The following ERC2 variants were observed in gnomAD, a reference collection of about 807,000 sequenced individuals.
ERC2 encodes the protein ERC protein 2.
In ERC2, 42 loss-of-function variants were observed where a neutral mutation model predicts 114.8. The ratio of observed to expected loss-of-function variants is 0.37; its 90% CI spans 0.29 to 0.47. The LOEUF is 0.47. Ranked by LOEUF, ERC2 falls within the 20% of genes least tolerant of loss-of-function variation. The pLI is 0.99. For missense variants in ERC2, 939 were observed against 1,150.7 expected, an observed-to-expected ratio of 0.82 and a Z score of 2.66; for synonymous variants, 454 against 425.5, an observed-to-expected ratio of 1.07 and a Z score of -0.82.
rs148784141 is a variant in ERC2 at position 56,126,857 on chromosome 3, AAAGGC to A, written c.1473+12647_1473+12651del. 5.1e-3 allele frequency among the ~76,000 whole-genome samples: 774 copies of A among 151,388 alleles called. 19 individuals are homozygous for A. The highest frequency in any genetic ancestry group is 0.017 in the African/African-American group (677 of 40,962). On this transcript the variant is annotated intron_variant, in intron 6 of 17. Coordinates refer to ENST00000288221, the MANE Select transcript of ERC2 (RefSeq NM_015576.3). Reference sequence around the variant, plus strand: ...AAAGGAAAGGAAAGGAAAGGAAAAGAAAGGCAAGGCAAGGCAAGGCAAGGCAAGAA... The same window carrying A: ...AAAGGAAAGGAAAGGAAAGGAAAAGAAAGGCAAGGCAAGGCAAGGCAAGAA...
intron 6 of ERC2, among the ~76,000 whole-genome samples, chr3:56,119,514 C>CAGCCTAGAACCA (rs2079453445): frequency 6.6e-6 from 1 of 152,198 alleles, no homozygotes; most frequent in Non-Finnish European, 1.5e-5. Flanking sequence ...AGCATCTTTT[C>CAGCCTAGAACCA]CCAGTAAGCC....
intron 17 of ERC2, among the ~76,000 whole-genome samples, chr3:55,539,679 G>A (rs1209907050): frequency 1.3e-5 from 2 of 150,942 alleles, no homozygotes; most frequent in Non-Finnish European, 3.0e-5. Flanking sequence ...TGCCTGCCTC[G>A]GCCTCCCAAA....
chr3:56,260,045 T>C (rs1227004667), intron 3 of ERC2, among the ~76,000 whole-genome samples: 1 of 152,242 alleles, frequency 6.6e-6, no homozygotes, highest in African/African-American at 2.4e-5. Flanking sequence ...CATTTTCTAA[T>C]GTTGCTAACT....
intron 17 of ERC2, among the ~76,000 whole-genome samples, chr3:55,521,129 T>C (rs2052901859): frequency 6.6e-6 from 1 of 152,214 alleles, no homozygotes; most frequent in South Asian, 2.1e-4. Flanking sequence ...GGAATGCCAT[T>C]TACTCTTGGG....
chr3:56,220,162 G>A (rs1235852042), intron 3 of ERC2, among the ~76,000 whole-genome samples: 1 of 152,094 alleles, frequency 6.6e-6, no homozygotes, highest in East Asian at 1.9e-4. Context: ...TGATTATAGG[G>A]CTTTATGCAG....
intron 3 of ERC2, among the ~76,000 whole-genome samples, chr3:56,215,608 T>C (rs551340242): frequency 3.9e-5 from 6 of 151,950 alleles, no homozygotes; most frequent in African/African-American, 1.2e-4. Flanking sequence ...AACAAGGATA[T>C]CCAGGAATTG....
chr3:55,543,814 T>A (rs1210663859), intron 17 of ERC2, among the ~76,000 whole-genome samples: 2 of 152,170 alleles, frequency 1.3e-5, no homozygotes, highest in Admixed American at 1.3e-4. Flanking sequence ...TCCTCGGAAC[T>A]ACAGCTTGCA....
At chr3:55,572,224 C>CA (rs2056753353) in intron 17 of ERC2, among the ~76,000 whole-genome samples, 1 of 152,168 alleles carries the variant, frequency 6.6e-6, no homozygotes, top group Admixed American at 6.5e-5. Flanking sequence ...AGGAGCAGCC[C>CA]AGAAAGTGGC....
chr3:55,912,665 A>G (rs1354777723), intron 13 of ERC2, among the ~76,000 whole-genome samples: 2 of 152,230 alleles, frequency 1.3e-5, no homozygotes, highest in African/African-American at 4.8e-5. Flanking sequence ...AAAGAAATAT[A>G]TCAGGGAATT....
chr3:56,058,016 C>G (rs894359515), intron 7 of ERC2, among the ~76,000 whole-genome samples: 2 of 152,064 alleles, frequency 1.3e-5, no homozygotes, highest in African/African-American at 4.8e-5. Flanking sequence ...GTCAGGTATC[C>G]TTACAGTGAT....
chr3:55,676,903 G>T (rs2061839970), intron 17 of ERC2, among the ~76,000 whole-genome samples: 1 of 152,126 alleles, frequency 6.6e-6, no homozygotes, highest in Admixed American at 6.5e-5. Flanking sequence ...GTTTGTTTAT[G>T]ATTTCTCAGC....
intron 13 of ERC2, among the ~76,000 whole-genome samples, chr3:55,899,119 C>A (rs2149340952): frequency 6.6e-6 from 1 of 152,332 alleles, no homozygotes; most frequent in African/African-American, 2.4e-5. Flanking sequence ...AATATGAGAA[C>A]ATACCATTTT....
chr3:56,077,549 G>C (rs914391308), intron 7 of ERC2, among the ~76,000 whole-genome samples: 15 of 152,288 alleles, frequency 9.8e-5, no homozygotes, highest in Middle Eastern at 6.8e-3. Flanking sequence ...GGCAAAAGTG[G>C]TCATTTGTCA....
intron 17 of ERC2, among the ~76,000 whole-genome samples, chr3:55,535,040 C>T (rs1319245506): frequency 6.6e-6 from 1 of 152,212 alleles, no homozygotes; most frequent in African/African-American, 2.4e-5. Context: ...GTCACTGTGG[C>T]CATTTCCACC....
intron 2 of ERC2, among the ~76,000 whole-genome samples, chr3:56,347,109 T>G (rs539350832): frequency 1.3e-5 from 2 of 152,244 alleles, no homozygotes; most frequent in South Asian, 2.1e-4. Context: ...AAACTGGGAA[T>G]TGGTGTTAGA....
intron 7 of ERC2, among the ~76,000 whole-genome samples, chr3:56,032,984 AAAG>A (rs2074524134): frequency 3.9e-5 from 3 of 77,414 alleles, no homozygotes; most frequent in African/African-American, 1.2e-4. Context: ...AAAGAGAAAG[AAAG>A]AAAGAAAGAA....
intron 4 of ERC2, among the ~76,000 whole-genome samples, chr3:56,161,428 C>T (rs533528608): frequency 6.6e-6 from 1 of 152,254 alleles, no homozygotes; most frequent in Admixed American, 6.5e-5. Context: ...TTTTCTAGTT[C>T]TGAGAAAACT....
chr3:55,789,290 C>T lies in ERC2; in HGVS notation c.2565-54372G>A, dbSNP rs529148529. ...TACTGCTTCCTAGGGCCATGGATGC[C>T]GTGTTTTTTCCAAGTCCATAGGGAA... On this transcript the variant is annotated intron_variant, in intron 14 of 17. Coordinates refer to ENST00000288221, the MANE Select transcript of ERC2 (RefSeq NM_015576.3). Among the ~76,000 whole-genome samples the T allele has an allele frequency of 1.2e-4, 18 of 152,302 alleles. No homozygotes were observed. The South Asian group carries it at 3.3e-3, about 28-fold the overall frequency.
At chr3:56,295,235 G>A (rs1453393636) in intron 3 of ERC2, among the ~76,000 whole-genome samples, 1 of 152,106 alleles carries the variant, frequency 6.6e-6, no homozygotes, top group African/African-American at 2.4e-5. Context: ...TGAGATCCAC[G>A]TCTCCCTACA....
Sources: gnomAD v4.1 joint callset for allele counts (sites outside exome capture counted in the v4.1 genomes callset) on GRCh38, gnomAD v4.1.1 for gene constraint, MANE v1.5 for transcripts, NCBI Gene and HGNC (gene_info 2026-07-23, HGNC 2026-07-21) for gene names.